The following RALYL variants were observed in gnomAD, a reference collection of about 807,000 sequenced individuals.
The protein encoded by RALYL is RNA-binding Raly-like protein.
In RALYL, 29 loss-of-function variants were observed where a neutral mutation model predicts 35.1. That is an observed-to-expected ratio of 0.83 (90% CI 0.61 to 1.13). The LOEUF (loss-of-function observed/expected upper bound fraction) is 1.13. RALYL is among the 50% of genes most tolerant of loss of function. The pLI is 0.00. For missense variants in RALYL, 359 were observed against 360.4 expected, an observed-to-expected ratio of 1.00 and a Z score of 0.03; for synonymous variants, 120 against 127.6, an observed-to-expected ratio of 0.94 and a Z score of 0.40.
chr8:84,845,561 G>T (rs1007680762), intron 4 of RALYL, among the ~76,000 whole-genome samples: 2 of 152,088 alleles, frequency 1.3e-5, no homozygotes, highest in African/African-American at 4.8e-5. Context: ...TACAGATTCT[G>T]GATATTAGAC....
intron 2 of RALYL, among the ~76,000 whole-genome samples, chr8:84,553,666 A>G (rs1430657596): frequency 1.3e-5 from 2 of 152,174 alleles, no homozygotes; most frequent in Non-Finnish European, 2.9e-5. Context: ...AATATCTATT[A>G]AATTATTTTG....
At position 84,364,499 on chromosome 8, in the gene RALYL, ATTC is replaced by A. The variant is rs1408126389; in HGVS notation, c.-23-164797_-23-164795del. Among the ~76,000 whole-genome samples the A allele has an allele frequency of 4.6e-5, 7 of 151,418 alleles. No homozygotes were observed. In the East Asian group the frequency reaches 9.8e-4, roughly 21 times the overall value. On this transcript the variant is annotated intron_variant, in intron 1 of 8. Transcript: ENST00000521268. ...AGAAAGAAAAGAGGTATATTAGCTT[ATTC>A]TTATTCTTAGCTTATTCTTTCACCT...
intron 8 of RALYL, among the ~76,000 whole-genome samples, chr8:84,904,058 C>T (rs1357955337): frequency 6.6e-6 from 1 of 152,146 alleles, no homozygotes; most frequent in Non-Finnish European, 1.5e-5. Flanking sequence ...ATTCTCAAAT[C>T]GCAGATTATA....
chr8:84,283,308 G>A (rs1188054509), intron 1 of RALYL, among the ~76,000 whole-genome samples: 1 of 152,060 alleles, frequency 6.6e-6, no homozygotes, highest in East Asian at 1.9e-4. Flanking sequence ...GTCATTGTGG[G>A]CAAAAATCAT....
Position 84,485,254 on chromosome 8 carries a change from G to A in RALYL, c.-23-44045G>A, listed in dbSNP as rs367676622. Among the ~76,000 whole-genome samples the A allele has an allele frequency of 1.4e-4, 22 of 151,998 alleles. 2 individuals carry two copies. In the South Asian group the frequency reaches 4.2e-3, roughly 29 times the overall value. On this transcript the variant is annotated intron_variant, in intron 1 of 8. Coordinates refer to ENST00000521268, the MANE Select transcript of RALYL (RefSeq NM_173848.7). ...ACTAGCTCCTTGATGTCAGCACCTGGGGGCCTAGCAAACATCTCATACTCA... is the reference window on the plus strand; with the variant it reads ...ACTAGCTCCTTGATGTCAGCACCTGAGGGCCTAGCAAACATCTCATACTCA...
chr8:84,360,312 A>C (rs1434307349), intron 1 of RALYL, among the ~76,000 whole-genome samples: 1 of 152,254 alleles, frequency 6.6e-6, no homozygotes, highest in African/African-American at 2.4e-5. Context: ...GTTGATGCTA[A>C]GTAAGCACTT....
intron 5 of RALYL, among the ~76,000 whole-genome samples, chr8:84,850,261 G>A (rs779143536): frequency 1.3e-5 from 2 of 152,078 alleles, no homozygotes; most frequent in Non-Finnish European, 2.9e-5. Flanking sequence ...CTAAGATTTG[G>A]TGTCTAATAT....
chr8:84,731,414 G>A (rs1229392281), intron 2 of RALYL, among the ~76,000 whole-genome samples: 1 of 152,034 alleles, frequency 6.6e-6, no homozygotes, highest in Non-Finnish European at 1.5e-5. Flanking sequence ...TCTATTTTGG[G>A]GTACAGAGAG....
intron 1 of RALYL, among the ~76,000 whole-genome samples, chr8:84,443,801 T>G (rs753204245): frequency 6.6e-6 from 1 of 152,118 alleles, no homozygotes; most frequent in African/African-American, 2.4e-5. Context: ...GACGTAGGCA[T>G]GGATATAAAA....
intron 1 of RALYL, among the ~76,000 whole-genome samples, chr8:84,442,140 G>A (rs1020234836): frequency 6.6e-6 from 1 of 151,988 alleles, no homozygotes; most frequent in Non-Finnish European, 1.5e-5. Flanking sequence ...TGGGATGTTT[G>A]TTACTCTCCT....
At chr8:84,785,932 G>C (rs762262255) in intron 3 of RALYL, among the ~76,000 whole-genome samples, 1 of 152,152 alleles carries the variant, frequency 6.6e-6, no homozygotes, top group Non-Finnish European at 1.5e-5. Flanking sequence ...CCATCACCTA[G>C]GTATTAAGCC....
At chr8:84,297,455 C>T (rs1259015334) in intron 1 of RALYL, among the ~76,000 whole-genome samples, 1 of 151,960 alleles carries the variant, frequency 6.6e-6, no homozygotes, top group Non-Finnish European at 1.5e-5. Flanking sequence ...TCAGTCTACT[C>T]TTGATGGGCA....
intron 1 of RALYL, among the ~76,000 whole-genome samples, chr8:84,439,944 T>C (rs894557320): frequency 6.6e-6 from 1 of 152,120 alleles, no homozygotes; most frequent in Non-Finnish European, 1.5e-5. Context: ...TTTTAACTAG[T>C]GTAAGCATAA....
chr8:84,849,897 T>C, intron 4 of RALYL, 83 bp from the exon 5 acceptor site: 1 of 720,248 alleles, frequency 1.4e-6, no homozygotes, highest in Non-Finnish European at 2.2e-6. Context: ...AGTAACAAAT[T>C]TTATGCTATA....
At chr8:84,338,542 A>G (rs552267296) in intron 1 of RALYL, among the ~76,000 whole-genome samples, 1 of 152,038 alleles carries the variant, frequency 6.6e-6, no homozygotes, top group South Asian at 2.1e-4. Flanking sequence ...TGGGGAGGGA[A>G]CATTATATAT....
At chr8:84,697,251 G>A (rs1315757962) in intron 2 of RALYL, among the ~76,000 whole-genome samples, 1 of 151,770 alleles carries the variant, frequency 6.6e-6, no homozygotes, top group Non-Finnish European at 1.5e-5. Context: ...ATTTTTTAAA[G>A]CCCATAAAGA....
chr8:84,845,032 T>A (rs1023486908), intron 4 of RALYL, among the ~76,000 whole-genome samples: 3 of 152,152 alleles, frequency 2.0e-5, no homozygotes, highest in African/African-American at 7.2e-5. Flanking sequence ...GACGAGTTAA[T>A]GGGTGCAGCA....
At chr8:84,472,891 G>A (rs574680193) in intron 1 of RALYL, among the ~76,000 whole-genome samples, 1 of 152,176 alleles carries the variant, frequency 6.6e-6, no homozygotes, top group East Asian at 1.9e-4. Context: ...TCCCATGCAG[G>A]GATTTATTTT....
chr8:84,275,975 A>T (rs1835298148), intron 1 of RALYL, among the ~76,000 whole-genome samples: 2 of 152,142 alleles, frequency 1.3e-5, no homozygotes, highest in Admixed American at 6.5e-5. Flanking sequence ...TATATCATTC[A>T]TCTAACCAGT....
Sources: gnomAD v4.1 joint callset for allele counts (sites outside exome capture counted in the v4.1 genomes callset) on GRCh38, gnomAD v4.1.1 for gene constraint, MANE v1.5 for transcripts, NCBI Gene and HGNC (gene_info 2026-07-23, HGNC 2026-07-21) for gene names.